ADAMTSL1: variants seen among roughly 807,000 people sequenced by gnomAD.
ADAMTSL1 encodes the protein ADAMTS like 1, also known as ADAMTS-like protein 1.
ADAMTSL1 carries 126 observed loss-of-function variants against 201.8 expected under a neutral mutation model. That is an observed-to-expected ratio of 0.62 (90% CI 0.54 to 0.72). The LOEUF (loss-of-function observed/expected upper bound fraction) is 0.72. ADAMTSL1 is among the 30% of genes least tolerant of loss of function. The pLI is 0.00. For missense variants in ADAMTSL1, 2,679 were observed against 2,277.8 expected (o/e 1.18, Z -3.59); for synonymous variants, 1,121 against 903.4 (o/e 1.24, Z -4.32).
chr9:18,487,607 A>G (rs567924255), intron 1 of ADAMTSL1, among the ~76,000 whole-genome samples: 47 of 152,302 alleles, frequency 3.1e-4, no homozygotes, highest in Middle Eastern at 3.4e-3. Context: ...TTGTTTATGT[A>G]TGTCGTGTCA....
At chr9:18,407,303 A>G (rs1044210705) in intron 2 of ADAMTSL1, among the ~76,000 whole-genome samples, 11 of 152,220 alleles carry the variant, frequency 7.2e-5, no homozygotes, top group African/African-American at 2.4e-4. Context: ...CTGTGAGAAG[A>G]AATAGAATGT....
At chr9:18,505,022 G>T in intron 2 of ADAMTSL1, 66 bp downstream of exon 2, 1 of 1,552,424 alleles carries the variant, frequency 6.4e-7, no homozygotes, top group African/African-American at 1.4e-5. Flanking sequence ...GCATGCTTTT[G>T]TGATTGGGTT....
At chr9:18,213,802 C>T (rs139884923) in intron 2 of ADAMTSL1, among the ~76,000 whole-genome samples, 9 of 152,032 alleles carry the variant, frequency 5.9e-5, no homozygotes, top group African/African-American at 2.2e-4. Context: ...TGCAGTGGTG[C>T]GATCTCGGTT....
chr9:18,793,234 A>G (rs1240105533), intron 19 of ADAMTSL1: 1 of 152,248 alleles, frequency 6.6e-6, no homozygotes, highest in Non-Finnish European at 1.5e-5. Flanking sequence ...CCTTACTTCT[A>G]CTTCCTGCCT....
At chr9:17,992,607 G>A (rs997070235) in intron 1 of ADAMTSL1, among the ~76,000 whole-genome samples, 1 of 152,046 alleles carries the variant, frequency 6.6e-6, no homozygotes, top group African/African-American at 2.4e-5. Flanking sequence ...GAAAAGTAGT[G>A]AGAGCCTCCC....
At chr9:18,240,300 C>T (rs1345472413) in intron 2 of ADAMTSL1, among the ~76,000 whole-genome samples, 1 of 151,860 alleles carries the variant, frequency 6.6e-6, no homozygotes, top group Non-Finnish European at 1.5e-5. Context: ...TCTTGGGTGA[C>T]TAGGTGCATT....
intron 4 of ADAMTSL1, among the ~76,000 whole-genome samples, chr9:18,618,646 C>G (rs1825847534): frequency 6.6e-6 from 1 of 151,176 alleles, no homozygotes; most frequent in Non-Finnish European, 1.5e-5. Flanking sequence ...TTCTCTCTTT[C>G]TGCTCTGCCA....
At chr9:18,048,110 G>A (rs971454447) in intron 1 of ADAMTSL1, among the ~76,000 whole-genome samples, 1 of 152,156 alleles carries the variant, frequency 6.6e-6, no homozygotes, top group Non-Finnish European at 1.5e-5. Context: ...TTAGATTTTT[G>A]ATTTAGAAAT....
chr9:18,596,387 C>G (rs1178156722), intron 4 of ADAMTSL1, among the ~76,000 whole-genome samples: 2 of 152,200 alleles, frequency 1.3e-5, no homozygotes, highest in South Asian at 2.1e-4. Context: ...TGATCATGGA[C>G]TAATTTACTA....
intron 2 of ADAMTSL1, among the ~76,000 whole-genome samples, chr9:18,416,834 A>G (rs1587131597): frequency 6.6e-6 from 1 of 152,054 alleles, no homozygotes; most frequent in East Asian, 1.9e-4. Context: ...TCAGAGATGT[A>G]AATACTCCTC....
At chr9:18,215,974 C>T (rs547442907) in intron 2 of ADAMTSL1, among the ~76,000 whole-genome samples, 1 of 152,260 alleles carries the variant, frequency 6.6e-6, no homozygotes, top group South Asian at 2.1e-4. Flanking sequence ...AGCCTCAAAC[C>T]TTCGTAAAGA....
In ADAMTSL1 at chr9:18,446,801, A is replaced by G. The variant is rs1016553181; in HGVS notation, c.208-58028A>G. Among the ~76,000 whole-genome samples, 4 of 152,228 alleles carry G rather than the reference A, an allele frequency of 2.6e-5. No homozygotes were observed. The East Asian group carries it at 7.7e-4, about 29-fold the overall frequency. On this transcript the variant is annotated intron_variant, in intron 2 of 29. Transcript: ENST00000680146. Reference sequence around the variant, plus strand: ...ACTTTCGGGTAATAGTGCTTGTCTTAGAACAGAATTAGGCCTACCTTGGAC... The same window carrying G: ...ACTTTCGGGTAATAGTGCTTGTCTTGGAACAGAATTAGGCCTACCTTGGAC...
chr9:18,104,965 C>T, intron 1 of ADAMTSL1, among the ~76,000 whole-genome samples: 1 of 151,928 alleles, frequency 6.6e-6, no homozygotes, highest in East Asian at 1.9e-4. Context: ...AGAGATTACT[C>T]AGCAACTATA....
At chr9:18,884,600 G>C (rs1416275548) in intron 23 of ADAMTSL1, among the ~76,000 whole-genome samples, 2 of 152,014 alleles carry the variant, frequency 1.3e-5, no homozygotes, top group Non-Finnish European at 2.9e-5. Context: ...TATAGTGTAA[G>C]TCATTTGTTC....
intron 2 of ADAMTSL1, among the ~76,000 whole-genome samples, chr9:18,299,642 A>G (rs938996003): frequency 2.6e-5 from 4 of 152,148 alleles, no homozygotes; most frequent in Non-Finnish European, 5.9e-5. Context: ...CTTAGCTTGT[A>G]ATGGAATTGG....
chr9:18,028,329 C>T (rs931565052), intron 1 of ADAMTSL1, among the ~76,000 whole-genome samples: 22 of 152,006 alleles, frequency 1.4e-4, no homozygotes, highest in African/African-American at 5.1e-4. Flanking sequence ...TTAATGTTCT[C>T]TTGTAAGGCT....
intron 1 of ADAMTSL1, among the ~76,000 whole-genome samples, chr9:18,073,246 A>G (rs999081207): frequency 6.6e-6 from 1 of 152,106 alleles, no homozygotes; most frequent in African/African-American, 2.4e-5. Context: ...GCAATTCATC[A>G]CTTGAATTGT....
intron 7 of ADAMTSL1, among the ~76,000 whole-genome samples, chr9:18,654,983 C>T (rs1400084545): frequency 2.6e-5 from 4 of 152,188 alleles, no homozygotes; most frequent in African/African-American, 4.8e-5. Context: ...ATGAGAGCAG[C>T]GACTGAACAG....
chr9:18,548,576 C>T (rs1309175754), intron 3 of ADAMTSL1, among the ~76,000 whole-genome samples: 3 of 152,010 alleles, frequency 2.0e-5, no homozygotes, highest in South Asian at 2.1e-4. Flanking sequence ...AGGTTATCTA[C>T]AGATCAGTTA....
Sources: allele counts gnomAD v4.1 joint callset (sites outside exome capture counted in the v4.1 genomes callset), GRCh38; gene constraint gnomAD v4.1.1; transcripts MANE v1.5; gene names NCBI Gene and HGNC (gene_info 2026-07-23, HGNC 2026-07-21).